Variants in VPS13A observed in about 807,000 individuals in gnomAD.
The protein encoded by VPS13A is intermembrane lipid transfer protein VPS13A.
In VPS13A, 264 loss-of-function variants were observed where a neutral mutation model predicts 390.9. That is an observed-to-expected ratio of 0.68 (90% CI 0.61 to 0.75). VPS13A has a LOEUF of 0.75. VPS13A is among the 30% of genes least tolerant of loss of function. VPS13A has a pLI of 0.00. For missense variants in VPS13A, 3,409 were observed against 3,733.9 expected, an observed-to-expected ratio of 0.91 and a Z score of 2.27; for synonymous variants, 1,231 against 1,227.1, an observed-to-expected ratio of 1.00 and a Z score of -0.07.
intron 1 of VPS13A, among the ~76,000 whole-genome samples, chr9:77,188,180 G>A (rs1452591978): frequency 6.6e-6 from 1 of 152,124 alleles, no homozygotes; most frequent in Non-Finnish European, 1.5e-5. Flanking sequence ...AAAGCTTCCT[G>A]CGTCCTCCCC....
At chr9:77,394,568 C>T (rs1834048306) in intron 68 of VPS13A, among the ~76,000 whole-genome samples, 1 of 152,254 alleles carries the variant, frequency 6.6e-6, no homozygotes, top group African/African-American at 2.4e-5. Context: ...ACCAGCTGCA[C>T]TAGCCCCTAA....
chr9:77,355,735 A>G (rs893355871), intron 54 of VPS13A, among the ~76,000 whole-genome samples: 3 of 152,206 alleles, frequency 2.0e-5, no homozygotes, highest in Non-Finnish European at 4.4e-5. Context: ...GCCCAAAAAT[A>G]TTGAAATTGT....
At chr9:77,374,055 A>T (rs1171519111) in intron 67 of VPS13A, among the ~76,000 whole-genome samples, 2 of 152,198 alleles carry the variant, frequency 1.3e-5, no homozygotes, top group Admixed American at 6.6e-5. Context: ...TAGCAAATAT[A>T]ATCTGTATCC....
At chr9:77,321,914 T>C (rs976348346) in intron 44 of VPS13A, among the ~76,000 whole-genome samples, 168 bp downstream of exon 44, 3 of 152,036 alleles carry the variant, frequency 2.0e-5, no homozygotes, top group African/African-American at 7.2e-5. Context: ...CTTTGCAGTG[T>C]CTTGGTTACT....
chr9:77,236,532 G>GCCT (rs1337666596), intron 17 of VPS13A, among the ~76,000 whole-genome samples: 4 of 152,162 alleles, frequency 2.6e-5, no homozygotes, highest in Non-Finnish European at 4.4e-5. Context: ...GTAGTGGGTA[G>GCCT]AATTGTATCA....
chr9:77,306,910 ATTT>A (rs199833366), intron 34 of VPS13A, among the ~76,000 whole-genome samples: 5 of 129,840 alleles, frequency 3.9e-5, no homozygotes, highest in Non-Finnish European at 1.7e-5. Flanking sequence ...TTGGCTCTTT[ATTT>A]TTTTTTTTTT....
chr9:77,314,038 CTTA>C lies in VPS13A; in HGVS notation c.4162_4164del (p.Leu1389del). 1.2e-6 allele frequency: 2 copies of C among 1,613,342 alleles called. No homozygotes were observed. Among genetic ancestry groups the C allele is most frequent in the Non-Finnish European group, 1.7e-6 (2 of 1,179,588 alleles). On this transcript the variant is annotated inframe_deletion, in exon 36 of 72. Coordinates refer to ENST00000360280, the MANE Select transcript of VPS13A (RefSeq NM_033305.3). ...CTGTGGTAGAAGTACATTCACGTGC[CTTA>C]CTAGTTAAGACAACACTAAACATAA...
chr9:77,223,776 G>A, intron 13 of VPS13A, among the ~76,000 whole-genome samples: 1 of 152,170 alleles, frequency 6.6e-6, no homozygotes, highest in Non-Finnish European at 1.5e-5. Context: ...AAGTGATCCT[G>A]AAGATCTAGC....
chr9:77,211,965 C>T (rs376158460), intron 7 of VPS13A, among the ~76,000 whole-genome samples: 3 of 152,114 alleles, frequency 2.0e-5, no homozygotes, highest in African/African-American at 4.8e-5. Flanking sequence ...TTGTGAACTG[C>T]GCATCTCAGG....
Position 77,388,807 on chromosome 9 carries a change from T to A in VPS13A, c.9189+6720T>A, listed in dbSNP as rs945565216. Reference sequence around the variant, plus strand: ...TTTTTCTACTATAAATTATCATTTATCAGTAACCTGTTAACTACATTATGT... The same window carrying A: ...TTTTTCTACTATAAATTATCATTTAACAGTAACCTGTTAACTACATTATGT... On this transcript the variant is annotated intron_variant, in intron 68 of 71. Coordinates refer to ENST00000360280, the MANE Select transcript of VPS13A (RefSeq NM_033305.3). 8.5e-5 allele frequency among the ~76,000 whole-genome samples: 13 copies of A among 152,222 alleles called. 1 individual carries two copies. The highest frequency in any genetic ancestry group is 6.5e-5 in the Admixed American group (1 of 15,288).
intron 46 of VPS13A, among the ~76,000 whole-genome samples, chr9:77,335,107 C>T (rs1239906203): frequency 2.0e-5 from 3 of 152,058 alleles, no homozygotes; most frequent in South Asian, 4.2e-4. Flanking sequence ...ATAGTTTTGA[C>T]CATTGTTCAT....
chr9:77,190,605 G>A lies in VPS13A; in HGVS notation c.101-9340G>A, dbSNP rs560453204. ...TGGCTTCATAAAATAAAATGAGTTA[G>A]GGAGGAGTCCCTCCTTCTCAATTTT... is the stretch of plus-strand genomic sequence containing the variant. On this transcript the variant is annotated intron_variant, in intron 1 of 71. Transcript: ENST00000360280. 4.6e-5 allele frequency among the ~76,000 whole-genome samples: 7 copies of A among 152,314 alleles called. No homozygotes were observed. The South Asian group carries it at 1.2e-3, about 27-fold the overall frequency.
At chr9:77,273,027 C>T (rs1335249256) in intron 23 of VPS13A, among the ~76,000 whole-genome samples, 1 of 152,132 alleles carries the variant, frequency 6.6e-6, no homozygotes, top group Non-Finnish European at 1.5e-5. Context: ...TCTGTTTCTA[C>T]TCAAAGCCTG....
intron 67 of VPS13A, among the ~76,000 whole-genome samples, chr9:77,376,478 G>T (rs1833083242): frequency 6.6e-6 from 1 of 152,168 alleles, no homozygotes; most frequent in African/African-American, 2.4e-5. Context: ...TAGAGTACTA[G>T]AGATTATGTC....
intron 1 of VPS13A, among the ~76,000 whole-genome samples, chr9:77,190,709 AGGGCTTT>A (rs1274531754): frequency 6.6e-6 from 1 of 152,158 alleles, no homozygotes; most frequent in Non-Finnish European, 1.5e-5. Context: ...CATCTGGTCC[AGGGCTTT>A]TTCTGGTTGG....
intron 53 of VPS13A, 131 bp downstream of exon 53, chr9:77,351,577 C>A: frequency 8.5e-7 from 1 of 1,174,206 alleles, no homozygotes; most frequent in Non-Finnish European, 1.3e-6. Flanking sequence ...TGGAGATCAG[C>A]CTGGCCAATA....
At chr9:77,193,025 A>AT (rs1824775136) in intron 1 of VPS13A, among the ~76,000 whole-genome samples, 1 of 151,770 alleles carries the variant, frequency 6.6e-6, no homozygotes, top group African/African-American at 2.4e-5. Flanking sequence ...TTTTTGGGAG[A>AT]TTTTTTTCCA....
chr9:77,339,958 A>G (rs1830727225), intron 48 of VPS13A, 47 bp downstream of exon 48: 1 of 1,590,122 alleles, frequency 6.3e-7, no homozygotes, highest in Admixed American at 1.7e-5. Context: ...GCTACTTGTC[A>G]CTTTTTAGTT....
chr9:77,280,053 C>A, intron 26 of VPS13A, 106 bp from the exon 27 acceptor site: 2 of 799,848 alleles, frequency 2.5e-6, no homozygotes, highest in Admixed American at 2.2e-5. Context: ...GTCCAGAACT[C>A]ATATAGGAAA....
Sources: gnomAD v4.1 joint callset for allele counts (sites outside exome capture counted in the v4.1 genomes callset) on GRCh38, gnomAD v4.1.1 for gene constraint, MANE v1.5 for transcripts, NCBI Gene and HGNC (gene_info 2026-07-23, HGNC 2026-07-21) for gene names.